The following PTBP3 variants were observed in gnomAD, a reference collection of about 807,000 sequenced individuals.
The protein encoded by PTBP3 is polypyrimidine tract binding protein 3, also known as polypyrimidine tract-binding protein 3.
A neutral mutation model predicts 58.7 loss-of-function variants in PTBP3; 20 were observed. That is an observed-to-expected ratio of 0.34 (90% confidence interval 0.24 to 0.50). PTBP3 has a LOEUF of 0.50. PTBP3 is among the 20% of genes least tolerant of loss of function. PTBP3 has a pLI of 0.98. For missense variants in PTBP3, 509 were observed against 637.2 expected, an observed-to-expected ratio of 0.80 and a Z score of 2.17; for synonymous variants, 185 against 219.8, an observed-to-expected ratio of 0.84 and a Z score of 1.40.
At chr9:112,233,463 A>C (rs1051225601) in intron 8 of PTBP3, among the ~76,000 whole-genome samples, 5 of 152,104 alleles carry the variant, frequency 3.3e-5, no homozygotes, top group Non-Finnish European at 7.4e-5. Context: ...ATGTCCACCA[A>C]TTGTTAAACC....
chr9:112,234,389 A>C (rs958215088), intron 8 of PTBP3, among the ~76,000 whole-genome samples: 1 of 152,260 alleles, frequency 6.6e-6, no homozygotes, highest in African/African-American at 2.4e-5. Context: ...TAGTGAATGT[A>C]TAGTATGACT....
At chr9:112,275,752 A>T (rs1342774596) in intron 3 of PTBP3, 92 bp downstream of exon 3, 9 of 1,209,056 alleles carry the variant, frequency 7.4e-6, no homozygotes, top group African/African-American at 1.6e-5. Flanking sequence ...ATGAAATTTT[A>T]AAAATACAGA....
At chr9:112,280,783 GTGCATA>G (rs772718182) in intron 2 of PTBP3, among the ~76,000 whole-genome samples, 3 of 5,592 alleles carry the variant, frequency 5.4e-4, no homozygotes, top group African/African-American at 4.7e-3. Context: ...GTGTGTGTGT[GTGCATA>G]TATATATATA....
At chr9:112,270,993 A>G (rs934527484) in intron 3 of PTBP3, among the ~76,000 whole-genome samples, 2 of 151,740 alleles carry the variant, frequency 1.3e-5, no homozygotes, top group African/African-American at 4.8e-5. Flanking sequence ...CACCCGGCTT[A>G]TTTTTGTATT....
chr9:112,328,437 CT>C (rs1343092752), intron 1 of PTBP3, among the ~76,000 whole-genome samples: 1 of 152,200 alleles, frequency 6.6e-6, no homozygotes, highest in Non-Finnish European at 1.5e-5. Flanking sequence ...AGGATCTGAC[CT>C]TTGTTTACAA....
At chr9:112,284,943 A>C (rs1828043049) in intron 2 of PTBP3, among the ~76,000 whole-genome samples, 2 of 60,268 alleles carry the variant, frequency 3.3e-5, no homozygotes. Context: ...TAGACTTTGG[A>C]CTTGGGACTT....
At chr9:112,280,177 C>T (rs1482766154) in intron 2 of PTBP3, among the ~76,000 whole-genome samples, 3 of 152,124 alleles carry the variant, frequency 2.0e-5, no homozygotes, top group African/African-American at 7.2e-5. Context: ...CCTGCCTCAG[C>T]CTCCCTAGCT....
chr9:112,290,718 AC>A (rs1828379281), intron 2 of PTBP3, among the ~76,000 whole-genome samples: 1 of 147,274 alleles, frequency 6.8e-6, no homozygotes, highest in Admixed American at 6.7e-5. Flanking sequence ...ACACACACAC[AC>A]ACACACACAC....
At chr9:112,371,951 C>A in the PTBP3 span, among the ~76,000 whole-genome samples, 1 of 152,040 alleles carries the variant, frequency 6.6e-6, no homozygotes, top group Non-Finnish European at 1.5e-5. Context: ...TGTTCTGTTG[C>A]TTGACCTGGT....
At chr9:112,275,586 AAAC>A (rs1178794338) in intron 3 of PTBP3, among the ~76,000 whole-genome samples, 6 of 152,196 alleles carry the variant, frequency 3.9e-5, no homozygotes, top group African/African-American at 1.4e-4. Context: ...ATAAAATTAA[AAAC>A]AAATTTAAAA....
intron 7 of PTBP3, among the ~76,000 whole-genome samples, chr9:112,244,601 C>A (rs1231446232): frequency 6.6e-6 from 1 of 152,096 alleles, no homozygotes; most frequent in Non-Finnish European, 1.5e-5. Flanking sequence ...ACTGCCTGAG[C>A]CTGGAGGTCG....
At chr9:112,315,714 T>G (rs1029388842) in intron 1 of PTBP3, among the ~76,000 whole-genome samples, 4 of 152,196 alleles carry the variant, frequency 2.6e-5, no homozygotes, top group Non-Finnish European at 4.4e-5. Context: ...CACTCACAAA[T>G]AGCTACACTG....
intron 8 of PTBP3, among the ~76,000 whole-genome samples, chr9:112,234,200 T>C (rs1449151215): frequency 6.6e-6 from 1 of 152,226 alleles, no homozygotes; most frequent in African/African-American, 2.4e-5. Flanking sequence ...TCAAATTCAT[T>C]TTGTTTACTG....
At chr9:112,243,449 T>A (rs1346204344) in intron 7 of PTBP3, among the ~76,000 whole-genome samples, 1 of 151,788 alleles carries the variant, frequency 6.6e-6, no homozygotes, top group Non-Finnish European at 1.5e-5. Context: ...GGCCGAGGCA[T>A]GAGAATTGCT....
the PTBP3 span, among the ~76,000 whole-genome samples, chr9:112,340,747 T>C: frequency 1.3e-5 from 2 of 151,932 alleles, no homozygotes; most frequent in Non-Finnish European, 2.9e-5. Context: ...GGCGTAGTGG[T>C]GCACGCCTGT....
chr9:112,324,557 C>G (rs1274248121), intron 1 of PTBP3, among the ~76,000 whole-genome samples: 2 of 151,804 alleles, frequency 1.3e-5, no homozygotes, highest in African/African-American at 4.8e-5. Context: ...GCCTGAGGCA[C>G]GAGAATCGCT....
chr9:112,271,395 C>A (rs1315553001), intron 3 of PTBP3, among the ~76,000 whole-genome samples: 6 of 152,174 alleles, frequency 3.9e-5, no homozygotes, highest in African/African-American at 1.4e-4. Context: ...ATTTAGAGCA[C>A]CTCATTTTCA....
At chr9:112,218,341 T>A (rs1834691127), downstream of PTBP3, 1 of 152,396 alleles carries the variant, frequency 6.6e-6, no homozygotes, top group Non-Finnish European at 1.5e-5. Context: ...CACGTTTAGA[T>A]GGATGGCTAT....
chr9:112,338,813 C>G, the PTBP3 span, among the ~76,000 whole-genome samples: 2 of 152,312 alleles, frequency 1.3e-5, no homozygotes, highest in South Asian at 4.1e-4. Flanking sequence ...CATCCCATGC[C>G]TGGCCCTGAT....
Sources: gnomAD v4.1 joint callset for allele counts (sites outside exome capture counted in the v4.1 genomes callset) on GRCh38, gnomAD v4.1.1 for gene constraint, MANE v1.5 for transcripts, NCBI Gene and HGNC (gene_info 2026-07-23, HGNC 2026-07-21) for gene names.